Variants in FAM186B observed in about 807,000 individuals in gnomAD.
FAM186B encodes family with sequence similarity 186 member B, also known as protein FAM186B.
In FAM186B, 68 loss-of-function variants were observed where a neutral mutation model predicts 83.4. The observed-to-expected ratio is 0.81, with a 90% CI of 0.67 to 1.00. The LOEUF (loss-of-function observed/expected upper bound fraction) is 1.00. FAM186B is among the 50% of genes least tolerant of loss of function. The pLI, the probability that FAM186B is intolerant of heterozygous loss-of-function variation, is 0.00. For missense variants in FAM186B, 983 were observed against 1,099.2 expected, an observed-to-expected ratio of 0.89 and a Z score of 1.49; for synonymous variants, 389 against 422.0, an observed-to-expected ratio of 0.92 and a Z score of 0.96.
At chr12:49,616,871 T>A in the FAM186B span, among the ~76,000 whole-genome samples, 2 of 152,366 alleles carry the variant, frequency 1.3e-5, no homozygotes, top group African/African-American at 4.8e-5. Flanking sequence ...TAAAGTTGAT[T>A]TTTTAAAATG....
chr12:49,595,185 T>A, intron 5 of FAM186B: 1 of 533,000 alleles, frequency 1.9e-6, no homozygotes, highest in Non-Finnish European at 3.5e-6. Flanking sequence ...ACGGTCATCC[T>A]GTAGATGTCA....
chr12:49,622,612 G>A, the FAM186B span: 1 of 152,284 alleles, frequency 6.6e-6, no homozygotes, highest in East Asian at 1.9e-4. Flanking sequence ...CCACAAGGGT[G>A]AATCCCACTT....
At chr12:49,595,348 CTG>C (rs1939690821) in intron 5 of FAM186B, 4 of 575,318 alleles carry the variant, frequency 7.0e-6, no homozygotes, top group East Asian at 4.6e-5. Context: ...AGGAGGTAAT[CTG>C]GGTGCACAGA....
the FAM186B span, among the ~76,000 whole-genome samples, chr12:49,612,040 G>T: frequency 6.6e-6 from 1 of 151,980 alleles, no homozygotes; most frequent in African/African-American, 2.4e-5. Flanking sequence ...ATACAGTTAG[G>T]TGAATAGCTG....
intron 3 of FAM186B, among the ~76,000 whole-genome samples, chr12:49,601,886 T>C (rs922770104): frequency 6.6e-6 from 1 of 152,192 alleles, no homozygotes; most frequent in Non-Finnish European, 1.5e-5. Flanking sequence ...AAAACAATGC[T>C]AACTTCAGAT....
At chr12:49,603,632 A>C (rs753623197) in intron 2 of FAM186B, among the ~76,000 whole-genome samples, 8 of 152,240 alleles carry the variant, frequency 5.3e-5, no homozygotes, top group Non-Finnish European at 1.0e-4. Context: ...GACATTAAAT[A>C]GTATTGTCTG....
chr12:49,613,245 C>T, the FAM186B span, among the ~76,000 whole-genome samples: 1 of 152,046 alleles, frequency 6.6e-6, no homozygotes, highest in Non-Finnish European at 1.5e-5. Flanking sequence ...AGTTAGATCT[C>T]GGCCTGGTGC....
At chr12:49,599,002 A>G in intron 4 of FAM186B, 55 bp from the exon 5 acceptor site, 1 of 1,550,968 alleles carries the variant, frequency 6.4e-7, no homozygotes, top group African/African-American at 1.4e-5. Flanking sequence ...CTATCCCCCA[A>G]GTCTGTTAAC....
At chr12:49,585,836 C>A (rs1376066209), downstream of FAM186B, among the ~76,000 whole-genome samples, 2 of 152,210 alleles carry the variant, frequency 1.3e-5, no homozygotes, top group South Asian at 2.1e-4. Context: ...AGGTGCACTT[C>A]AGGGAGTGGA....
At chr12:49,601,622 T>G (rs1161763193) in intron 3 of FAM186B, among the ~76,000 whole-genome samples, 2 of 94,666 alleles carry the variant, frequency 2.1e-5, no homozygotes, top group African/African-American at 1.7e-4. Flanking sequence ...ATGTTTTATG[T>G]TTTTTTTTTT....
intron 4 of FAM186B, 96 bp downstream of exon 4, chr12:49,599,372 TC>T: frequency 1.4e-6 from 2 of 1,423,338 alleles, no homozygotes; most frequent in Non-Finnish European, 1.8e-6. Context: ...GCTCTCCCCA[TC>T]CCCCCTTGCC....
At chr12:49,621,957 T>G in the FAM186B span, among the ~76,000 whole-genome samples, 170 of 152,376 alleles carry the variant, frequency 1.1e-3, 1 homozygote, top group African/African-American at 3.6e-3. Context: ...CTGTTTGTCT[T>G]AACAAATCTG....
chr12:49,611,052 C>T, the FAM186B span, among the ~76,000 whole-genome samples: 5 of 151,896 alleles, frequency 3.3e-5, no homozygotes, highest in Non-Finnish European at 5.9e-5. Flanking sequence ...CCAGCCTGAC[C>T]AACATGGTGA....
chr12:49,605,753 C>CTTTTTTTTTT (rs200117345), upstream of FAM186B: 1 of 228,830 alleles, frequency 4.4e-6, no homozygotes, highest in Non-Finnish European at 8.0e-6. Flanking sequence ...GACTTGTTGC[C>CTTTTTTTTTT]TTTTCTTTTT....
downstream of FAM186B, among the ~76,000 whole-genome samples, chr12:49,586,850 A>G (rs1939453288): frequency 6.6e-6 from 1 of 152,168 alleles, no homozygotes; most frequent in African/African-American, 2.4e-5. Flanking sequence ...TGATGCTGCT[A>G]TGCCTCCCTG....
downstream of FAM186B, chr12:49,583,434 A>G (rs1031072380): frequency 9.5e-6 from 2 of 210,328 alleles, no homozygotes; most frequent in Non-Finnish European, 2.0e-5. Context: ...GTTAAGTATC[A>G]TTGGGGTGAG....
the FAM186B span, among the ~76,000 whole-genome samples, chr12:49,617,854 A>C: frequency 1.3e-5 from 2 of 152,230 alleles, no homozygotes; most frequent in Non-Finnish European, 2.9e-5. Context: ...AAATATTTTC[A>C]GAAGTGGAAG....
In FAM186B at chr12:49,600,525, G is replaced by A; in HGVS notation, c.1115C>T (p.Pro372Leu). The A allele has an allele frequency of 1.2e-6, 2 of 1,613,990 alleles. No individual in the cohort carries two copies. The highest frequency in any genetic ancestry group is 1.7e-6 in the Non-Finnish European group (2 of 1,179,970). Residue 372 changes from proline (P) to leucine (L), a missense_variant, in exon 4 of 7, where the codon CCC becomes CTC. By Grantham distance (98) the Pro-to-Leu change is moderately conservative. Transcript: ENST00000257894. This position sits in a 1 kb window ranked among gnomAD's most constrained non-coding sequence, Gnocchi z 4.3. ...MKEEQLFSPLPPSPMAMIRDS... is the reference protein window; with the variant it reads ...MKEEQLFSPLLPSPMAMIRDS... The stretch of plus-strand genomic sequence containing the variant: ...CCGTATCATGGCCATGGGACTTGGG[G>A]GAAGTGGCGAGAACAACTGCTCCTC...
At chr12:49,604,578 CTT>C (rs755884277) in intron 1 of FAM186B, 40 bp from the exon 2 acceptor site, 1 of 1,572,926 alleles carries the variant, frequency 6.4e-7, no homozygotes, top group Admixed American at 1.7e-5. Flanking sequence ...GGGCTGTGGA[CTT>C]GAGCCAGAAG....
Sources: gnomAD v4.1 joint callset for allele counts (sites outside exome capture counted in the v4.1 genomes callset) on GRCh38, gnomAD v4.1.1 for gene constraint, Gnocchi (gnomAD v3.1) non-coding constraint, MANE v1.5 for transcripts, NCBI Gene and HGNC (gene_info 2026-07-23, HGNC 2026-07-21) for gene names.